SNTG1: variants seen among roughly 807,000 people sequenced by gnomAD.
SNTG1 encodes the protein gamma-1-syntrophin.
Under a neutral mutation model 74.7 loss-of-function variants are expected in SNTG1, and 39 were observed. That is an observed-to-expected ratio of 0.52 (90% confidence interval 0.40 to 0.68). The LOEUF is 0.68. SNTG1 is among the 30% of genes least tolerant of loss of function. The pLI, the probability that SNTG1 is intolerant of heterozygous loss-of-function variation, is 0.00. For missense variants in SNTG1, 685 were observed against 609.5 expected (o/e 1.12, Z -1.30); for synonymous variants, 254 against 217.1 (o/e 1.17, Z -1.49).
At chr8:50,604,348 G>A (rs1244097369) in intron 13 of SNTG1, among the ~76,000 whole-genome samples, 1 of 151,946 alleles carries the variant, frequency 6.6e-6, no homozygotes, top group Non-Finnish European at 1.5e-5. Context: ...CCCAGCAGGT[G>A]GAGGTTGCAG....
intron 13 of SNTG1, among the ~76,000 whole-genome samples, chr8:50,624,220 G>A (rs1585878296): frequency 6.6e-6 from 1 of 151,888 alleles, no homozygotes; most frequent in Non-Finnish European, 1.5e-5. Context: ...CTATGTTAGA[G>A]TAACCACTAC....
intron 8 of SNTG1, among the ~76,000 whole-genome samples, chr8:50,488,952 A>G (rs1017918940): frequency 3.3e-5 from 5 of 151,324 alleles, no homozygotes; most frequent in African/African-American, 1.2e-4. Flanking sequence ...AACAGGCCCC[A>G]ATGTGTGATA....
chr8:50,205,559 A>G (rs1473221343), intron 2 of SNTG1, among the ~76,000 whole-genome samples: 1 of 152,138 alleles, frequency 6.6e-6, no homozygotes, highest in East Asian at 1.9e-4. Context: ...TTTGCTGTGC[A>G]GAAGCTCTTT....
intron 1 of SNTG1, among the ~76,000 whole-genome samples, chr8:49,923,297 A>G (rs1026905311): frequency 1.3e-5 from 2 of 152,126 alleles, no homozygotes; most frequent in African/African-American, 4.8e-5. Flanking sequence ...AATCTTACCC[A>G]ATCTTTATTT....
chr8:49,960,678 TGTAA>T (rs1277275267), intron 1 of SNTG1, among the ~76,000 whole-genome samples: 1 of 152,096 alleles, frequency 6.6e-6, no homozygotes, highest in African/African-American at 2.4e-5. Context: ...ATATATCACA[TGTAA>T]GTGAGTCAGA....
chr8:50,406,766 T>C (rs2092881168), intron 4 of SNTG1, among the ~76,000 whole-genome samples: 1 of 152,184 alleles, frequency 6.6e-6, no homozygotes, highest in African/African-American at 2.4e-5. Flanking sequence ...TATTGAAGTT[T>C]GTCAAATGCT....
chr8:50,742,273 A>G (rs1006170566), intron 17 of SNTG1, among the ~76,000 whole-genome samples: 19 of 152,016 alleles, frequency 1.2e-4, no homozygotes, highest in African/African-American at 4.3e-4. Flanking sequence ...ATGTGTTAAG[A>G]CACAAAATAC....
intron 8 of SNTG1, among the ~76,000 whole-genome samples, chr8:50,476,880 A>ACACACC (rs1305379010): frequency 6.6e-6 from 1 of 151,820 alleles, no homozygotes; most frequent in Non-Finnish European, 1.5e-5. Context: ...ACACACACAC[A>ACACACC]CACACAGAGG....
intron 1 of SNTG1, among the ~76,000 whole-genome samples, chr8:50,072,004 C>T (rs1344325619): frequency 1.3e-5 from 2 of 152,060 alleles, no homozygotes; most frequent in Non-Finnish European, 2.9e-5. Flanking sequence ...TTTAAATTAT[C>T]AAAATACAGC....
chr8:50,350,809 C>T (rs1166747345), intron 2 of SNTG1, among the ~76,000 whole-genome samples: 1 of 152,156 alleles, frequency 6.6e-6, no homozygotes, highest in Non-Finnish European at 1.5e-5. Context: ...TGTAAACGCA[C>T]CAATCAGCAC....
intron 2 of SNTG1, among the ~76,000 whole-genome samples, chr8:50,296,899 G>T (rs978847100): frequency 6.6e-6 from 1 of 152,126 alleles, no homozygotes; most frequent in Non-Finnish European, 1.5e-5. Flanking sequence ...AGTAGTAAGC[G>T]CAAGAAGTAC....
At chr8:50,545,929 C>T (rs1204941405) in intron 11 of SNTG1, among the ~76,000 whole-genome samples, 1 of 152,050 alleles carries the variant, frequency 6.6e-6, no homozygotes, top group African/African-American at 2.4e-5. Context: ...AAATATGAAT[C>T]TGACTTATAG....
chr8:50,332,042 T>C (rs949295660), intron 2 of SNTG1, among the ~76,000 whole-genome samples: 1 of 152,216 alleles, frequency 6.6e-6, no homozygotes, highest in African/African-American at 2.4e-5. Flanking sequence ...GGCCATGCTG[T>C]TAAGTAGTTG....
In SNTG1 at chr8:50,737,877, C is replaced by T. The variant is rs117873777; in HGVS notation, c.1285-14124C>T. Among the ~76,000 whole-genome samples, 98 of 152,224 alleles carry T rather than the reference C, an allele frequency of 6.4e-4. 1 individual carries two copies. In the East Asian group the frequency reaches 0.016, roughly 26 times the overall value. Reference sequence around the variant, plus strand: ...TTCAACACCCTTCATGCTAAAACCCCTCAATAAAATAAGTATTGATGGAAA... The same window carrying T: ...TTCAACACCCTTCATGCTAAAACCCTTCAATAAAATAAGTATTGATGGAAA... On this transcript the variant is annotated intron_variant, in intron 17 of 18. Transcript: ENST00000642720.
At chr8:50,670,469 G>A (rs1458274433) in intron 15 of SNTG1, among the ~76,000 whole-genome samples, 2 of 151,446 alleles carry the variant, frequency 1.3e-5, no homozygotes, top group Non-Finnish European at 2.9e-5. Context: ...AAAATACCTA[G>A]GAATCCAACT....
At chr8:50,783,333 GC>G (rs1332668227) in intron 18 of SNTG1, among the ~76,000 whole-genome samples, 1 of 152,222 alleles carries the variant, frequency 6.6e-6, no homozygotes, top group Non-Finnish European at 1.5e-5. Flanking sequence ...GCCTCCTTGA[GC>G]TATTGTGGGC....
chr8:50,164,994 C>G (rs1279030871), intron 1 of SNTG1, among the ~76,000 whole-genome samples: 2 of 152,108 alleles, frequency 1.3e-5, no homozygotes, highest in Non-Finnish European at 2.9e-5. Flanking sequence ...AATAGTGACT[C>G]TAACTCATAG....
chr8:50,762,626 A>T, intron 18 of SNTG1: 1 of 427,706 alleles, frequency 2.3e-6, no homozygotes, highest in African/African-American at 2.0e-5. Context: ...TCCCCAGGTG[A>T]TGCCTTTGTT....
At chr8:50,698,901 A>AT (rs2095414060) in intron 15 of SNTG1, among the ~76,000 whole-genome samples, 1 of 152,076 alleles carries the variant, frequency 6.6e-6, no homozygotes, top group African/African-American at 2.4e-5. Flanking sequence ...CATATTGGGA[A>AT]TTTACTCTCT....
Sources: allele counts gnomAD v4.1 joint callset (sites outside exome capture counted in the v4.1 genomes callset), GRCh38; gene constraint gnomAD v4.1.1; transcripts MANE v1.5; gene names NCBI Gene and HGNC (gene_info 2026-07-23, HGNC 2026-07-21).